Variants in TENM1 observed in about 807,000 individuals in gnomAD.
TENM1 encodes teneurin transmembrane protein 1, also known as teneurin-1.
Under a neutral mutation model 174.8 loss-of-function variants are expected in TENM1, and 35 were observed. The observed-to-expected ratio is 0.20, with a 90% CI of 0.15 to 0.27. The LOEUF (loss-of-function observed/expected upper bound fraction) is 0.27. Among genes scored for constraint, TENM1 ranks in the 10% least tolerant of loss-of-function variants. The pLI is 1.00. For synonymous variants in TENM1, 781 were observed against 798.7 expected (o/e 0.98, Z 0.37); for missense variants, 1,633 against 2,130.1 (o/e 0.77, Z 4.59).
chrX:124,754,090 A>T (rs2054160317), intron 3 of TENM1, among the ~76,000 whole-genome samples: 1 of 111,629 alleles, frequency 9.0e-6, no homozygotes, highest in Admixed American at 9.5e-5. Context: ...TACCTCTGGT[A>T]GAATTCGGCT....
intron 22 of TENM1, among the ~76,000 whole-genome samples, chrX:124,458,786 C>T (rs750918826): frequency 1.6e-4 from 18 of 112,270 alleles, no homozygotes; most frequent in Non-Finnish European, 5.6e-5. Flanking sequence ...TCTTCAGCTC[C>T]TTGTGATCCT....
At chrX:124,439,364 T>C (rs2060880067) in intron 23 of TENM1, among the ~76,000 whole-genome samples, 1 of 112,341 alleles carries the variant, frequency 8.9e-6, no homozygotes, top group African/African-American at 3.2e-5. Flanking sequence ...ACATCTTACA[T>C]TCACAGATGT....
intron 3 of TENM1, among the ~76,000 whole-genome samples, chrX:124,866,978 G>T (rs1404306460): frequency 9.0e-6 from 1 of 110,799 alleles, no homozygotes; most frequent in Non-Finnish European, 1.9e-5. Flanking sequence ...GACCAATAAT[G>T]AATAACAAAA....
the TENM1 span, among the ~76,000 whole-genome samples, chrX:125,118,750 GAAT>G: frequency 0.037 from 4,075 of 108,736 alleles, 173 homozygotes; most frequent in African/African-American, 0.14. Flanking sequence ...CTAACATTAA[GAAT>G]AATACTATGT....
rs761667870 is a variant in TENM1 at position 124,608,577 on chromosome X, G to A, written c.2077+33214C>T. 2.3e-4 allele frequency among the ~76,000 whole-genome samples: 26 copies of A among 111,590 alleles called. No individual in the cohort carries two copies. The South Asian group carries it at 9.4e-3, about 40-fold the overall frequency. On this transcript the variant is annotated intron_variant, in intron 11 of 31. Coordinates refer to ENST00000422452, the Ensembl canonical transcript of TENM1. Reference sequence around the variant, plus strand: ...CACTGGCTGTTTTGTACTTCAGTTTGTGCTGCTTCCCAAGAGCTGAATGGA... The same window carrying A: ...CACTGGCTGTTTTGTACTTCAGTTTATGCTGCTTCCCAAGAGCTGAATGGA...
At chrX:124,955,632 G>A (rs773748810) in intron 1 of TENM1, among the ~76,000 whole-genome samples, 2 of 110,599 alleles carry the variant, frequency 1.8e-5, no homozygotes, top group African/African-American at 3.3e-5. Flanking sequence ...TTTTACTCCC[G>A]TAGTTTCATA....
At chrX:124,854,057 G>T (rs1215294304) in intron 3 of TENM1, among the ~76,000 whole-genome samples, 1 of 110,482 alleles carries the variant, frequency 9.1e-6, no homozygotes, top group Non-Finnish European at 1.9e-5. Context: ...GAAGGAGGGG[G>T]AGAAGAGGAA....
Position 124,796,517 on chromosome X carries a change from G to A in TENM1, c.536-59320C>T, listed in dbSNP as rs925397013. On this transcript the variant is annotated intron_variant, in intron 3 of 31. Coordinates refer to ENST00000422452, the Ensembl canonical transcript of TENM1. ...TCTATCCAAGTCAATTTATAAAATC[G>A]GGACTTCTCGACTTAAAAACACAGG... Among the ~76,000 whole-genome samples, 4 of 111,102 alleles carry A rather than the reference G, an allele frequency of 3.6e-5. No homozygotes were observed. In the Admixed American group the frequency reaches 3.8e-4, roughly 11 times the overall value.
chrX:125,059,274 C>T, the TENM1 span, among the ~76,000 whole-genome samples: 2 of 111,357 alleles, frequency 1.8e-5, no homozygotes, highest in Non-Finnish European at 3.8e-5. Context: ...TACCCATCTT[C>T]TGGTCAAACA....
intron 3 of TENM1, among the ~76,000 whole-genome samples, chrX:124,761,030 A>G (rs1344901210): frequency 1.8e-5 from 2 of 111,988 alleles, no homozygotes; most frequent in Non-Finnish European, 3.8e-5. Flanking sequence ...GCGATCATTA[A>G]AAAGTCAGGA....
At chrX:124,861,528 G>A (rs1175780930) in intron 3 of TENM1, among the ~76,000 whole-genome samples, 1 of 111,948 alleles carries the variant, frequency 8.9e-6, no homozygotes, top group Non-Finnish European at 1.9e-5. Flanking sequence ...TACTTTAGGT[G>A]TGACTACCCT....
the TENM1 span, among the ~76,000 whole-genome samples, chrX:125,032,196 T>A: frequency 9.2e-6 from 1 of 108,417 alleles, no homozygotes; most frequent in African/African-American, 3.4e-5. Context: ...TGAGACGAAG[T>A]TTTGCTCTTG....
intron 3 of TENM1, among the ~76,000 whole-genome samples, chrX:124,889,771 T>A (rs2057446396): frequency 8.9e-6 from 1 of 111,780 alleles, no homozygotes; most frequent in South Asian, 3.7e-4. Context: ...TTACAACTGA[T>A]CATATTTCAC....
At chrX:124,665,175 TA>T (rs1264090527) in intron 6 of TENM1, among the ~76,000 whole-genome samples, 1 of 110,868 alleles carries the variant, frequency 9.0e-6, no homozygotes, top group Non-Finnish European at 1.9e-5. Flanking sequence ...CTGTCTCCAT[TA>T]AAAAAATTAC....
chrX:124,464,508 T>C (rs1255262253), intron 22 of TENM1, among the ~76,000 whole-genome samples: 3 of 112,239 alleles, frequency 2.7e-5, no homozygotes, highest in African/African-American at 9.7e-5. Flanking sequence ...TGCATCCGTA[T>C]GTCTTGACTA....
intron 20 of TENM1, among the ~76,000 whole-genome samples, chrX:124,489,118 C>G (rs1054810378): frequency 2.7e-5 from 3 of 112,812 alleles, no homozygotes; most frequent in African/African-American, 9.7e-5. Context: ...TAGCTACCAA[C>G]TGACTACATG....
chrX:124,773,364 T>C, intron 3 of TENM1, among the ~76,000 whole-genome samples: 1 of 109,477 alleles, frequency 9.1e-6, no homozygotes, highest in East Asian at 2.8e-4. Flanking sequence ...AGAGTAGGAA[T>C]TAAGAATTCG....
the TENM1 span, among the ~76,000 whole-genome samples, chrX:124,971,457 G>A: frequency 1.8e-5 from 2 of 111,195 alleles, no homozygotes; most frequent in Non-Finnish European, 3.8e-5. Flanking sequence ...CACAATATCT[G>A]TAACAATCAT....
rs773512805 is a variant in TENM1, at chrX:124,806,612, T to C, written c.536-69415A>G. 1.8e-4 allele frequency among the ~76,000 whole-genome samples: 20 copies of C among 112,407 alleles called. No homozygotes were observed. The South Asian group carries it at 7.3e-3, about 41-fold the overall frequency. Reference sequence around the variant, plus strand: ...AGTTCCAATACACCTAGCAGCAAACTTGTTTGCAGAAACGTTACAGGCTAG... The same window carrying C: ...AGTTCCAATACACCTAGCAGCAAACCTGTTTGCAGAAACGTTACAGGCTAG... On this transcript the variant is annotated intron_variant, in intron 3 of 31. Coordinates refer to ENST00000422452, the Ensembl canonical transcript of TENM1.
Sources: gnomAD v4.1 joint callset for allele counts (sites outside exome capture counted in the v4.1 genomes callset) on GRCh38, gnomAD v4.1.1 for gene constraint, MANE v1.5 for transcripts, NCBI Gene and HGNC (gene_info 2026-07-23, HGNC 2026-07-21) for gene names.